IRX2: variants seen among roughly 807,000 people sequenced by gnomAD.
The protein encoded by IRX2 is iroquois-class homeodomain protein IRX-2.
In IRX2, 26 loss-of-function variants were observed where a neutral mutation model predicts 42.9. That is an observed-to-expected ratio of 0.61 (90% CI 0.44 to 0.84). The LOEUF is 0.84. Ranked by LOEUF, IRX2 falls within the 40% of genes least tolerant of loss-of-function variation. IRX2 has a pLI of 0.00. For missense variants in IRX2, 782 were observed against 713.9 expected (o/e 1.10, Z -1.09); for synonymous variants, 424 against 353.9 (o/e 1.20, Z -2.22).
Position 2,751,390 on chromosome 5 carries a change from C to T in IRX2, c.24G>A (p.Leu8=), listed in dbSNP as rs1737974049. 7.1e-7 allele frequency: 1 copy of T among 1,411,606 alleles called. No homozygotes were observed. The highest frequency in any genetic ancestry group is 9.3e-7 in the Non-Finnish European group (1 of 1,081,062). 87.4% of individuals were successfully genotyped at this position (1,411,606 alleles called of 1,614,324 possible). The change falls in exon 1 of 4, where the codon CTG becomes CTA. Residue 8 remains leucine, a synonymous_variant. Transcript: ENST00000302057. This position sits in a 1 kb window ranked among gnomAD's most constrained non-coding sequence, Gnocchi z 4.0. The part of the protein sequence containing the change: MSYPQGY[L]YQAPGSLALY... The stretch of plus-strand genomic sequence containing the variant: ...GCGCCAGCGAGCCGGGCGCCTGGTA[C>T]AGGTAGCCCTGCGGGTAGGACATGG...
the IRX2 span, among the ~76,000 whole-genome samples, chr5:2,737,484 G>A: frequency 2.0e-5 from 3 of 152,150 alleles, no homozygotes; most frequent in Admixed American, 6.5e-5. Flanking sequence ...TGCTACGTGG[G>A]GCCCGGTGGC....
chr5:2,736,938 A>G, the IRX2 span: 3 of 152,234 alleles, frequency 2.0e-5, no homozygotes. Flanking sequence ...GTATAAGCAC[A>G]TTGTATCTAG....
chr5:2,748,553 C>G lies in IRX2; in HGVS notation c.1155G>C (p.Thr385=), dbSNP rs766797774. ...SPLLGRPLYY[T]SPFYGNYTNY... ...TTGTGTAGTTGCCGTAGAAGGGCGA[C>G]GTGTAGTAGAGGGGGCGGCCCAGCA... is the stretch of plus-strand genomic sequence containing the variant. The change falls in exon 3 of 4, where the codon ACG becomes ACC. Residue 385 remains threonine (T), a synonymous_variant. Transcript: ENST00000302057. 2 of 1,574,260 alleles carry G rather than the reference C, an allele frequency of 1.3e-6. No homozygotes were observed. The highest frequency in any genetic ancestry group is 1.4e-5 in the African/African-American group (1 of 70,806).
rs1166221429 is a variant in IRX2, at chr5:2,749,414, T to G, written c.623A>C (p.Gln208Pro). ...CTCTGCCGAGGTCTCCGTGCCCTCC[T>G]GCGCCTTGTCGGGACTCTCGTCCTT... ...RSKDESPDKA[Q>P]EGTETSAEDE... Residue 208 changes from glutamine (Q) to proline (P), a missense_variant, in exon 2 of 4, where the codon CAG becomes CCG. By Grantham distance (76) the Gln-to-Pro change is moderately conservative. This residue lies in a region of IRX2 where 520 missense variants were observed against 437.8 expected (regional missense o/e 1.19). Coordinates refer to ENST00000302057, the MANE Select transcript of IRX2 (RefSeq NM_033267.5). The G allele has an allele frequency of 6.2e-7, 1 of 1,614,000 alleles. No homozygotes were observed. The highest frequency in any genetic ancestry group is 2.2e-5 in the East Asian group (1 of 44,866).
At position 2,751,279 on chromosome 5, in the gene IRX2, G is replaced by C; in HGVS notation, c.135C>G (p.Phe45Leu). 7.0e-6 allele frequency: 10 copies of C among 1,428,652 alleles called. No individual in the cohort carries two copies. The highest frequency in any genetic ancestry group is 9.2e-6 in the Non-Finnish European group (10 of 1,091,308). The allele number at this position is 1,428,652 out of a possible 1,614,324, so 88.5% of individuals were successfully genotyped here. ...ELARSASGSAFSPYPGSAAFT... is the reference protein window; with the variant it reads ...ELARSASGSALSPYPGSAAFT... ...AGGCCGCCGAGCCCGGGTAGGGGCT[G>C]AACGCCGAGCCCGACGCCGAGCGCG... The change falls in exon 1 of 4, where the codon TTC becomes TTG. Residue 45 changes from phenylalanine to leucine, a missense_variant. By Grantham distance (22) the Phe-to-Leu change is conservative (BLOSUM62 0). Around this residue, in one of 3 missense-constraint regions of IRX2, gnomAD observed 256 missense variants for 250.0 expected, o/e 1.02. Transcript: ENST00000302057. This position sits in a 1 kb window ranked among gnomAD's most constrained non-coding sequence, Gnocchi z 4.0.
At position 2,748,472 on chromosome 5, in the gene IRX2, A is replaced by C. The variant is rs767081175; in HGVS notation, c.1236T>G (p.Ser412=). 3 of 1,573,874 alleles carry C rather than the reference A, an allele frequency of 1.9e-6. No homozygotes were observed. Among genetic ancestry groups the C allele is most frequent in the Admixed American group, 1.8e-5 (1 of 55,298 alleles). ...LQGQGLLRYN[S]AAAAPGEALH... The stretch of plus-strand genomic sequence containing the variant: ...GGGCCTCGCCGGGGGCCGCGGCCGC[A>C]GAGTTGTACCGCAGGAGACCCTGGC... The change falls in exon 3 of 4, where the codon TCT becomes TCG. Residue 412 remains serine (S), a synonymous_variant. Transcript: ENST00000302057.
chr5:2,739,014 G>A, the IRX2 span, among the ~76,000 whole-genome samples: 1 of 152,192 alleles, frequency 6.6e-6, no homozygotes, highest in Non-Finnish European at 1.5e-5. Flanking sequence ...CCTCCATCCC[G>A]GCCGCTGACT....
chr5:2,747,632 G>A lies in IRX2; in HGVS notation c.1364-16C>T. 1 of 1,613,646 alleles carries A rather than the reference G, an allele frequency of 6.2e-7. No individual in the cohort carries two copies. Among genetic ancestry groups the A allele is most frequent in the African/African-American group, 1.3e-5 (1 of 75,052 alleles). ...TCGCTGGCATCTGTCAGGGGAGTGG[G>A]CAGTTAGTCAGAACCGACCCCACAG... On this transcript the variant is annotated splice_polypyrimidine_tract_variant and intron_variant, in intron 3 of 3. Coordinates refer to ENST00000302057, the MANE Select transcript of IRX2 (RefSeq NM_033267.5).
In IRX2 at chr5:2,751,559, C is replaced by A; in HGVS notation, c.-146G>T. On this transcript the variant is annotated 5_prime_UTR_variant, in exon 1 of 4. Coordinates refer to ENST00000302057, the MANE Select transcript of IRX2 (RefSeq NM_033267.5). This position sits in a 1 kb window ranked among gnomAD's most constrained non-coding sequence, Gnocchi z 4.0. ...AGGCCGGCCCGGGTACTAGCCTGGG[C>A]GGCCCGCGGGCCGGGGCGGCGGCGG... is the stretch of plus-strand genomic sequence containing the variant. The A allele has an allele frequency of 8.1e-6, 3 of 371,476 alleles. No individual in the cohort carries two copies. Among genetic ancestry groups the A allele is most frequent in the Non-Finnish European group, 1.1e-5 (3 of 273,878 alleles). The allele number at this position is 371,476 out of a possible 1,614,324, so 23.0% of individuals were successfully genotyped here.
chr5:2,748,503 A>T lies in IRX2; in HGVS notation c.1205T>A (p.Leu402Gln), dbSNP rs1314990481. 25 of 1,582,172 alleles carry T rather than the reference A, an allele frequency of 1.6e-5. No individual in the cohort carries two copies. Among genetic ancestry groups the T allele is most frequent in the Non-Finnish European group, 2.1e-5 (25 of 1,165,546 alleles). Residue 402 changes from leucine (L) to glutamine (Q), a missense_variant, in exon 3 of 4, where the codon CTG becomes CAG. By Grantham distance (113) the Leu-to-Gln change is moderately radical. This residue lies in a region of IRX2 where 520 missense variants were observed against 437.8 expected (regional missense o/e 1.19). Transcript: ENST00000302057. ...YTNYGNLNAA[L>Q]QGQGLLRYNS... is the part of the protein sequence containing the mutation. ...GTACCGCAGGAGACCCTGGCCCTGCAGCGCCGCGTTCAAGTTCCCGTAGTT... is the reference window on the plus strand; with the variant it reads ...GTACCGCAGGAGACCCTGGCCCTGCTGCGCCGCGTTCAAGTTCCCGTAGTT...
the IRX2 span, among the ~76,000 whole-genome samples, chr5:2,740,076 G>A: frequency 6.6e-6 from 1 of 152,126 alleles, no homozygotes; most frequent in African/African-American, 2.4e-5. Flanking sequence ...GGAGGCTTCG[G>A]AGGGCCCGAC....
downstream of IRX2, among the ~76,000 whole-genome samples, chr5:2,743,073 C>G (rs1737577442): frequency 6.6e-6 from 1 of 152,190 alleles, no homozygotes; most frequent in African/African-American, 2.4e-5. Context: ...AGGGGAACCC[C>G]GAGCCCTCTC....
chr5:2,751,447 G>C lies in IRX2; in HGVS notation c.-34C>G. On this transcript the variant is annotated 5_prime_UTR_variant, in exon 1 of 4. Coordinates refer to ENST00000302057, the MANE Select transcript of IRX2 (RefSeq NM_033267.5). This position sits in a 1 kb window ranked among gnomAD's most constrained non-coding sequence, Gnocchi z 4.0. ...CGGGGCGCGGGGCCCGCGTCACGCC[G>C]AGCAGCGGGCAGGGCGCGCGGCGCC... 1.7e-6 allele frequency: 2 copies of C among 1,198,476 alleles called. No homozygotes were observed. The highest frequency in any genetic ancestry group is 2.1e-6 in the Non-Finnish European group (2 of 966,936). 74.2% of individuals were successfully genotyped at this position (1,198,476 alleles called of 1,614,324 possible).
the IRX2 span, among the ~76,000 whole-genome samples, chr5:2,740,403 TG>T: frequency 6.6e-6 from 1 of 152,062 alleles, no homozygotes. Flanking sequence ...TTCTCCCGAC[TG>T]GCCTTGGTCG....
Position 2,751,175 on chromosome 5 carries a change from G to C in IRX2, c.239C>G (p.Pro80Arg), listed in dbSNP as rs1164622253. The part of the protein sequence containing the change: ...ADAAAAAAGF[P>R]SYMGAPYDAH... ...CCCGCGCCCGGTTACCATGTAGGAC[G>C]GGAAGCCGGCGGCGGCGGCGGCGGC... The change falls in exon 1 of 4, where the codon CCG (proline) becomes CGG (arginine). Residue 80 changes from proline to arginine, a missense_variant. Transcript: ENST00000302057. The surrounding 1 kb of genome is among the most constrained non-coding windows in gnomAD (Gnocchi z 4.0). 2 of 1,265,826 alleles carry C rather than the reference G, an allele frequency of 1.6e-6. No individual in the cohort carries two copies. Among genetic ancestry groups the C allele is most frequent in the Non-Finnish European group, 2.0e-6 (2 of 1,007,132 alleles). 78.4% of individuals were successfully genotyped at this position (1,265,826 alleles called of 1,614,324 possible). A position where few individuals can be genotyped will look rare whatever the true frequency, so the allele number is the denominator to read the frequency against.
the IRX2 span, among the ~76,000 whole-genome samples, chr5:2,740,606 T>C: frequency 6.6e-6 from 1 of 152,262 alleles, no homozygotes; most frequent in Non-Finnish European, 1.5e-5. Flanking sequence ...GCAAAACACG[T>C]AGGCCTGGAA....
chr5:2,749,437 C>T lies in IRX2; in HGVS notation c.600G>A (p.Lys200=). ...CCTGCGCCTTGTCGGGACTCTCGTC[C>T]TTGCTTCTGGTAGCGTCGCCCTCGT... The part of the protein sequence containing the change: ...DEDEGDATRS[K]DESPDKAQEG... Residue 200 remains lysine (K), a synonymous_variant, in exon 2 of 4, where the codon AAG becomes AAA. Coordinates refer to ENST00000302057, the MANE Select transcript of IRX2 (RefSeq NM_033267.5). 3 of 1,614,192 alleles carry T rather than the reference C, an allele frequency of 1.9e-6. No homozygotes were observed. Among genetic ancestry groups the T allele is most frequent in the South Asian group, 1.1e-5 (1 of 91,082 alleles).
downstream of IRX2, among the ~76,000 whole-genome samples, chr5:2,744,192 T>C (rs1737608772): frequency 6.6e-6 from 1 of 150,834 alleles, no homozygotes. Flanking sequence ...CTTTTACCCC[T>C]GCTCCAATGC....
chr5:2,749,451 C>A lies in IRX2; in HGVS notation c.586G>T (p.Ala196Ser), dbSNP rs754857916. The change falls in exon 2 of 4, where the codon GCT becomes TCT. Residue 196 changes from alanine to serine, a missense_variant. By Grantham distance (99) the Ala-to-Ser change is moderately conservative (BLOSUM62 1). Around this residue, in one of 3 missense-constraint regions of IRX2, gnomAD observed 520 missense variants for 437.8 expected, o/e 1.19. Transcript: ENST00000302057. ...SEDEDEDEGD[A>S]TRSKDESPDK... ...GGACTCTCGTCCTTGCTTCTGGTAG[C>A]GTCGCCCTCGTCCTCGTCCTCATCT... 1 of 1,614,212 alleles carries A rather than the reference C, an allele frequency of 6.2e-7. No homozygotes were observed. The highest frequency in any genetic ancestry group is 8.5e-7 in the Non-Finnish European group (1 of 1,180,030).
Sources: gnomAD v4.1 joint callset for allele counts (sites outside exome capture counted in the v4.1 genomes callset) on GRCh38, gnomAD v4.1.1 for gene constraint, gnomAD v4.1.1 regional missense constraint, Gnocchi (gnomAD v3.1) non-coding constraint, MANE v1.5 for transcripts, NCBI Gene and HGNC (gene_info 2026-07-23, HGNC 2026-07-21) for gene names.